The following FCRLB variants were observed in gnomAD, a reference collection of about 807,000 sequenced individuals.
FCRLB encodes the protein Fc receptor like B.
A neutral mutation model predicts 33.6 loss-of-function variants in FCRLB; 34 were observed. The ratio of observed to expected loss-of-function variants is 1.01; its 90% CI spans 0.77 to 1.35. The LOEUF is 1.35. Among genes scored for constraint, FCRLB ranks in the 40% most tolerant of loss-of-function variants. FCRLB has a pLI of 0.00. For synonymous variants in FCRLB, 280 were observed against 255.9 expected (o/e 1.09, Z -0.90); for missense variants, 560 against 580.2 (o/e 0.97, Z 0.36).
rs1343098434 is a variant in FCRLB at position 161,722,640 on chromosome 1, C to T, written c.-20-13C>T. 1 of 1,613,530 alleles carries T rather than the reference C, an allele frequency of 6.2e-7. No homozygotes were observed. Among genetic ancestry groups the T allele is most frequent in the Non-Finnish European group, 8.5e-7 (1 of 1,179,680 alleles). ...TCCCCATCTCATGCCAGTGCATCTC[C>T]ATCCTTCTGCAGCTGCTGCAGTCAG... On this transcript the variant is annotated splice_polypyrimidine_tract_variant and intron_variant, in intron 2 of 7. Coordinates refer to ENST00000367948, the Ensembl canonical transcript of FCRLB.
exon 1 of FCRLB, chr1:161,721,624 C>T (rs1468404157): frequency 2.0e-5 from 3 of 152,182 alleles, no homozygotes; most frequent in African/African-American, 7.2e-5. Flanking sequence ...CATCAGATTT[C>T]CAAGGGATCA....
Position 161,727,298 on chromosome 1 carries a change from C to T in FCRLB, c.917C>T (p.Ala306Val). 4.3e-6 allele frequency: 7 copies of T among 1,613,564 alleles called. 1 individual carries two copies. Among genetic ancestry groups the T allele is most frequent in the Non-Finnish European group, 5.9e-6 (7 of 1,179,678 alleles). ...ACCGCCCCAGCTCCATGGGCCGCAG[C>T]CTTGGCTCCTGGTAATAGGCCGCTT... Residue 306 changes from alanine (A) to valine (V), a missense_variant, in exon 8 of 8, where the codon GCC becomes GTC. By Grantham distance (64) the Ala-to-Val change is moderately conservative. Coordinates refer to ENST00000367948, the Ensembl canonical transcript of FCRLB.
At chr1:161,723,340 C>A (rs1317147914) in intron 4 of FCRLB, 27 bp from the exon 5 acceptor site, 3 of 1,608,766 alleles carry the variant, frequency 1.9e-6, no homozygotes, top group Non-Finnish European at 2.5e-6. Flanking sequence ...TGCATGCTGC[C>A]CCCTCTCACC....
chr1:161,725,801 G>T lies in FCRLB; in HGVS notation c.308-20G>T. ...CTGGACTTTCTGTGGAGTCAAGCGT[G>T]TCTGTGGTGTCTGTCGCAGATTGGC... On this transcript the variant is annotated intron_variant, in intron 5 of 7. Coordinates refer to ENST00000367948, the Ensembl canonical transcript of FCRLB. 1 of 1,586,306 alleles carries T rather than the reference G, an allele frequency of 6.3e-7. No individual in the cohort carries two copies. The highest frequency in any genetic ancestry group is 1.2e-5 in the South Asian group (1 of 86,798).
intron 3 of FCRLB, 128 bp downstream of exon 3, chr1:161,722,831 G>T: frequency 6.7e-7 from 1 of 1,492,590 alleles, no homozygotes; most frequent in Non-Finnish European, 9.2e-7. Flanking sequence ...TTTTGGAGGG[G>T]TGAAGAAGAA....
exon 6 of FCRLB, chr1:161,725,889 G>A (rs1683530351): frequency 6.2e-7 from 1 of 1,614,168 alleles, no homozygotes. Flanking sequence ...GCGCTGCCGC[G>A]GCTGGTACGA....
chr1:161,725,416 G>A (rs1683506014), intron 5 of FCRLB, among the ~76,000 whole-genome samples: 2 of 152,156 alleles, frequency 1.3e-5, no homozygotes. Flanking sequence ...CGAGGTGGGC[G>A]TATCACCTGA....
chr1:161,723,455 C>G lies in FCRLB; in HGVS notation c.141C>G (p.Tyr47Ter), dbSNP rs1441106803. 1.9e-6 allele frequency: 3 copies of G among 1,614,022 alleles called. No homozygotes were observed. The highest frequency in any genetic ancestry group is 1.7e-5 in the Admixed American group (1 of 60,006). Residue 47 changes from tyrosine (Y) to a stop codon, truncating the protein, a stop_gained, in exon 5 of 8, where the codon TAC (tyrosine) becomes TAG (stop). Coordinates refer to ENST00000367948, the Ensembl canonical transcript of FCRLB. LOFTEE classifies it high-confidence loss of function. ...GGGTAACTTTGAAGTGTGATGGATA[C>G]CACCCACTGCTCCTGGAGCTCCAGC... is the stretch of plus-strand genomic sequence containing the variant.
At chr1:161,727,187 C>A (rs899055036) in intron 7 of FCRLB, 60 bp from the exon 8 acceptor site, 1 of 1,515,964 alleles carries the variant, frequency 6.6e-7, no homozygotes, top group Non-Finnish European at 8.8e-7. Flanking sequence ...GCCCCTCCCC[C>A]AGCCCAGCGC....
intron 5 of FCRLB, among the ~76,000 whole-genome samples, chr1:161,724,244 T>C (rs1271184373): frequency 6.6e-6 from 1 of 152,048 alleles, no homozygotes; most frequent in Non-Finnish European, 1.5e-5. Context: ...ATTCTCGAGA[T>C]GCTTGAAGGG....
chr1:161,725,690 G>A, intron 5 of FCRLB, 131 bp from the exon 6 acceptor site: 1 of 1,114,420 alleles, frequency 9.0e-7, no homozygotes, highest in Non-Finnish European at 1.3e-6. Context: ...GAAAAGAAAA[G>A]AAAGCGGTGG....
rs749197842 is a variant in FCRLB, at chr1:161,722,639, C to T, written c.-20-14C>T. Reference sequence around the variant, plus strand: ...TTCCCCATCTCATGCCAGTGCATCTCCATCCTTCTGCAGCTGCTGCAGTCA... The same window carrying T: ...TTCCCCATCTCATGCCAGTGCATCTTCATCCTTCTGCAGCTGCTGCAGTCA... On this transcript the variant is annotated splice_polypyrimidine_tract_variant and intron_variant, in intron 2 of 7. Coordinates refer to ENST00000367948, the Ensembl canonical transcript of FCRLB. The T allele has an allele frequency of 6.2e-7, 1 of 1,613,524 alleles. No individual in the cohort carries two copies. The highest frequency in any genetic ancestry group is 1.3e-5 in the African/African-American group (1 of 74,932).
chr1:161,726,993 G>T lies in FCRLB; in HGVS notation c.865G>T (p.Gly289Cys), dbSNP rs749993884. The change falls in exon 7 of 8, where the codon GGT (glycine) becomes TGT (cysteine). Residue 289 changes from glycine to cysteine, a missense_variant and splice_region_variant. Coordinates refer to ENST00000367948, the Ensembl canonical transcript of FCRLB. This position sits in a 1 kb window ranked among gnomAD's most constrained non-coding sequence, Gnocchi z 5.2. ...TCCGTGGCTGCAGCTCCCGGGGCCG[G>T]GTGAGTGCCTGCACACCCTCCCGGA... The T allele has an allele frequency of 1.3e-5, 20 of 1,509,738 alleles. No homozygotes were observed. The Middle Eastern group carries it at 9.2e-4, about 70-fold the overall frequency. 93.5% of individuals were successfully genotyped at this position (1,509,738 alleles called of 1,614,324 possible). A position where few individuals can be genotyped will look rare whatever the true frequency, so the allele number is the denominator to read the frequency against.
In FCRLB at chr1:161,723,302, T is replaced by A. The variant is rs1388623070; in HGVS notation, c.53-65T>A. 4 of 1,577,838 alleles carry A rather than the reference T, an allele frequency of 2.5e-6. No individual in the cohort carries two copies. The Admixed American group carries it at 7.0e-5, about 28-fold the overall frequency. On this transcript the variant is annotated intron_variant, in intron 4 of 7. Coordinates refer to ENST00000367948, the Ensembl canonical transcript of FCRLB. ...TAAGATTTCCCAAACTCAGGTCGTT[T>A]CTTTGGGCACCTCACCTTGATTCTC... is the stretch of plus-strand genomic sequence containing the variant.
chr1:161,724,049 C>G (rs534360562), intron 5 of FCRLB, among the ~76,000 whole-genome samples: 1 of 152,276 alleles, frequency 6.6e-6, no homozygotes, highest in Non-Finnish European at 1.5e-5. Context: ...TGTGATGCTT[C>G]TCTGTGCCTC....
intron 2 of FCRLB, 141 bp downstream of exon 2, chr1:161,721,991 T>G (rs1221690101): frequency 6.6e-6 from 1 of 152,156 alleles, no homozygotes; most frequent in East Asian, 1.9e-4. Flanking sequence ...TCTAACTTCT[T>G]AAGAATTTAA....
chr1:161,725,940 G>C, exon 6 of FCRLB: 1 of 1,614,256 alleles, frequency 6.2e-7, no homozygotes, highest in African/African-American at 1.3e-5. Flanking sequence ...CGACGGCCAG[G>C]CCGTGCGCTA....
rs1354166528 is a variant in FCRLB, at chr1:161,722,721, C to T, written c.31+18C>T. On this transcript the variant is annotated intron_variant, in intron 3 of 7. Coordinates refer to ENST00000367948, the Ensembl canonical transcript of FCRLB. ...GCTCCTGGGTGAGTCCACAGTGAGGCAGCAGAAGAGCTTTGGGTGGTGGAG... is the reference window on the plus strand; with the variant it reads ...GCTCCTGGGTGAGTCCACAGTGAGGTAGCAGAAGAGCTTTGGGTGGTGGAG... 6.2e-6 allele frequency: 10 copies of T among 1,613,766 alleles called. No individual in the cohort carries two copies. The highest frequency in any genetic ancestry group is 7.6e-6 in the Non-Finnish European group (9 of 1,179,778).
exon 5 of FCRLB, chr1:161,723,518 G>T: frequency 6.2e-7 from 1 of 1,614,184 alleles, no homozygotes; most frequent in Non-Finnish European, 8.5e-7. Context: ...ACCTACTTCT[G>T]CCCTCTCACA....
Sources: gnomAD v4.1 joint callset for allele counts (sites outside exome capture counted in the v4.1 genomes callset) on GRCh38, gnomAD v4.1.1 for gene constraint, Gnocchi (gnomAD v3.1) non-coding constraint, MANE v1.5 for transcripts, NCBI Gene and HGNC (gene_info 2026-07-23, HGNC 2026-07-21) for gene names.